TRPS1: variants seen among roughly 807,000 people sequenced by gnomAD.
TRPS1 encodes the protein transcriptional repressor GATA binding 1, also known as zinc finger transcription factor Trps1.
In TRPS1, 6 loss-of-function variants were observed where a neutral mutation model predicts 101.2. That is an observed-to-expected ratio of 0.06 (90% CI 0.03 to 0.12). The LOEUF (loss-of-function observed/expected upper bound fraction) is 0.12. Ranked by LOEUF, TRPS1 falls within the 10% of genes least tolerant of loss-of-function variation. The pLI is 1.00. For synonymous variants in TRPS1, 578 were observed against 589.8 expected, an observed-to-expected ratio of 0.98 and a Z score of 0.29; for missense variants, 1,363 against 1,567.0, an observed-to-expected ratio of 0.87 and a Z score of 2.20.
chr8:115,548,438 A>G (rs1229300005), intron 5 of TRPS1, among the ~76,000 whole-genome samples: 8 of 152,030 alleles, frequency 5.3e-5, no homozygotes, highest in Admixed American at 5.2e-4. Flanking sequence ...CCCAGGTTCA[A>G]GCGATTCTCC....
chr8:115,577,285 T>G (rs1000807018), intron 5 of TRPS1, among the ~76,000 whole-genome samples: 17 of 152,130 alleles, frequency 1.1e-4, no homozygotes, highest in African/African-American at 4.1e-4. Flanking sequence ...AGATTCCATA[T>G]AGAAGAGTGG....
intron 5 of TRPS1, among the ~76,000 whole-genome samples, chr8:115,441,005 T>G (rs1813580026): frequency 6.6e-6 from 1 of 152,216 alleles, no homozygotes; most frequent in Non-Finnish European, 1.5e-5. Context: ...CTCATGATCT[T>G]TAAACTGTTA....
At chr8:115,613,866 CAACTT>C (rs1471394422) in intron 3 of TRPS1, among the ~76,000 whole-genome samples, 1 of 152,120 alleles carries the variant, frequency 6.6e-6, no homozygotes, top group African/African-American at 2.4e-5. Context: ...AAGTATGAAT[CAACTT>C]AAATGTAAGA....
intron 5 of TRPS1, among the ~76,000 whole-genome samples, chr8:115,427,965 T>C (rs566595477): frequency 1.3e-5 from 2 of 152,298 alleles, no homozygotes; most frequent in South Asian, 4.1e-4. Context: ...CACCACTGAC[T>C]TAGCCTCTCA....
rs765463911 is a variant in TRPS1 at position 115,414,194 on chromosome 8, C to T, written c.3714G>A (p.Leu1238=). 3.7e-6 allele frequency: 6 copies of T among 1,613,886 alleles called. No homozygotes were observed. Among genetic ancestry groups the T allele is most frequent in the Non-Finnish European group, 2.5e-6 (3 of 1,179,940 alleles). The change falls in exon 7 of 7, where the codon CTG becomes CTA. Residue 1238 remains leucine (L), a synonymous_variant. Transcript: ENST00000395715. The surrounding 1 kb of genome is among the most constrained non-coding windows in gnomAD (Gnocchi z 4.8). The part of the protein sequence containing the change: ...TKCVHCGIVF[L]DEVMYALHMS... Reference sequence around the variant, plus strand: ...TATGCAAAGCATACATCACTTCATCCAGAAAGACAATGCCACAGTGCACAC... The same window carrying T: ...TATGCAAAGCATACATCACTTCATCTAGAAAGACAATGCCACAGTGCACAC...
At position 115,577,884 on chromosome 8, in the gene TRPS1, C is replaced by A. The variant is rs531449276; in HGVS notation, c.2700+9117G>T. Among the ~76,000 whole-genome samples, 4 of 152,176 alleles carry A rather than the reference C, an allele frequency of 2.6e-5. No individual in the cohort carries two copies. The South Asian group carries it at 8.3e-4, about 32-fold the overall frequency. ...ACATGCGACATACATCGGGGGAAGG[C>A]GAAAACTTCAAAACTGGTTTGACAA... On this transcript the variant is annotated intron_variant, in intron 5 of 6. Coordinates refer to ENST00000395715, the MANE Select transcript of TRPS1 (RefSeq NM_014112.5).
chr8:115,411,294 A>G lies in TRPS1; in HGVS notation c.*2729T>C, dbSNP rs942397562. The G allele has an allele frequency of 6.6e-6, 1 of 152,356 alleles. No individual in the cohort carries two copies. The highest frequency in any genetic ancestry group is 2.1e-4 in the South Asian group (1 of 4,818). 9.4% of individuals were successfully genotyped at this position (152,356 alleles called of 1,614,324 possible). ...TATGTCTGTCTGAGAAAAAAAAAAA[A>G]TTGAATGAAAATAAAAAGGCATACA... On this transcript the variant is annotated 3_prime_UTR_variant, in exon 7 of 7. Coordinates refer to ENST00000395715, the MANE Select transcript of TRPS1 (RefSeq NM_014112.5).
chr8:115,514,204 G>T (rs1350759395), intron 5 of TRPS1, among the ~76,000 whole-genome samples: 10 of 151,660 alleles, frequency 6.6e-5, no homozygotes, highest in Non-Finnish European at 1.0e-4. Flanking sequence ...ACTTTGGAAA[G>T]AAAGAATTAA....
At chr8:115,473,860 T>C (rs1814532995) in intron 5 of TRPS1, among the ~76,000 whole-genome samples, 1 of 152,192 alleles carries the variant, frequency 6.6e-6, no homozygotes, top group African/African-American at 2.4e-5. Context: ...TTATGTATGA[T>C]TTATGTAAGT....
At chr8:115,531,493 T>C (rs376288030) in intron 5 of TRPS1, among the ~76,000 whole-genome samples, 2 of 151,630 alleles carry the variant, frequency 1.3e-5, no homozygotes, top group Admixed American at 6.6e-5. Context: ...GTAAAGAAAA[T>C]AGGGGATAAT....
chr8:115,557,460 G>A (rs2130358217), intron 5 of TRPS1, among the ~76,000 whole-genome samples: 1 of 152,266 alleles, frequency 6.6e-6, no homozygotes, highest in East Asian at 1.9e-4. Flanking sequence ...TGTCATGGAA[G>A]TGACCCAGTG....
chr8:115,468,502 T>A (rs1814381983), intron 5 of TRPS1, among the ~76,000 whole-genome samples: 1 of 152,150 alleles, frequency 6.6e-6, no homozygotes. Context: ...CTTTTGTGAG[T>A]CACATATTAA....
chr8:115,587,426 C>A lies in TRPS1; in HGVS notation c.2275G>T (p.Val759Phe). ...IKEEPKIDFRVYNLLTPDSKM... is the reference protein window; with the variant it reads ...IKEEPKIDFRFYNLLTPDSKM... ...GAGTCTGGAGTTAGCAGATTGTAGA[C>A]CCTGAAGTCAATTTTGGGCTCCTCT... The change falls in exon 5 of 7, where the codon GTC becomes TTC. Residue 759 changes from valine (V) to phenylalanine (F), a missense_variant. Physicochemically the swap from Val to Phe is conservative, Grantham distance 50. Transcript: ENST00000395715. The A allele has an allele frequency of 6.2e-7, 1 of 1,614,170 alleles. No homozygotes were observed. Among genetic ancestry groups the A allele is most frequent in the Non-Finnish European group, 8.5e-7 (1 of 1,180,018 alleles).
intron 5 of TRPS1, among the ~76,000 whole-genome samples, chr8:115,536,787 G>GTT (rs200319237): frequency 2.8e-5 from 4 of 143,690 alleles, no homozygotes; most frequent in East Asian, 4.0e-4. Flanking sequence ...TATAGCTGAA[G>GTT]TTTTTTTTTT....
At chr8:115,477,263 CAG>C (rs1225746880) in intron 5 of TRPS1, among the ~76,000 whole-genome samples, 13 of 151,994 alleles carry the variant, frequency 8.6e-5, no homozygotes, top group Non-Finnish European at 1.5e-5. Context: ...ATGTCATAGA[CAG>C]AAAGTGACAA....
Position 115,619,383 on chromosome 8 carries a change from T to C in TRPS1, c.715A>G (p.Ile239Val). Residue 239 changes from isoleucine to valine, a missense_variant, in exon 3 of 7, where the codon ATC becomes GTC. Physicochemically the swap from Ile to Val is conservative, Grantham distance 29. Transcript: ENST00000395715. The part of the protein sequence containing the change: ...SPELQDFKCN[I>V]CGYGYYGNDP... ...TTGCCGTAGTAACCATATCCACAGATATTGCATTTAAAGTCCTGAAGCTCT... is the reference window on the plus strand; with the variant it reads ...TTGCCGTAGTAACCATATCCACAGACATTGCATTTAAAGTCCTGAAGCTCT... 1 of 1,614,208 alleles carries C rather than the reference T, an allele frequency of 6.2e-7. No individual in the cohort carries two copies. The highest frequency in any genetic ancestry group is 8.5e-7 in the Non-Finnish European group (1 of 1,180,040).
chr8:115,629,379 A>G (rs1369767053), intron 1 of TRPS1, among the ~76,000 whole-genome samples: 1 of 151,864 alleles, frequency 6.6e-6, no homozygotes, highest in East Asian at 1.9e-4. Context: ...CAGATAGAAC[A>G]TTGGATTTTA....
intron 5 of TRPS1, among the ~76,000 whole-genome samples, chr8:115,459,247 C>T (rs1814104080): frequency 1.3e-5 from 2 of 151,980 alleles, no homozygotes; most frequent in Admixed American, 1.3e-4. Flanking sequence ...TGGTGTGAAC[C>T]CGGGAGGCGG....
At chr8:115,634,934 T>C (rs1165152499) in intron 1 of TRPS1, among the ~76,000 whole-genome samples, 1 of 151,720 alleles carries the variant, frequency 6.6e-6, no homozygotes, top group African/African-American at 2.4e-5. Flanking sequence ...TATCCTGCCC[T>C]GGTTTACTGA....
Sources: allele counts gnomAD v4.1 joint callset (sites outside exome capture counted in the v4.1 genomes callset), GRCh38; gene constraint gnomAD v4.1.1; non-coding constraint Gnocchi (gnomAD v3.1); transcripts MANE v1.5; gene names NCBI Gene and HGNC (gene_info 2026-07-23, HGNC 2026-07-21).